Variants in KCNJ3 observed in about 807,000 individuals in gnomAD.
The protein encoded by KCNJ3 is potassium inwardly rectifying channel subfamily J member 3, also known as G protein-activated inward rectifier potassium channel 1.
KCNJ3 carries 4 observed loss-of-function variants against 39.2 expected under a neutral mutation model. That is an observed-to-expected ratio of 0.10 (90% CI 0.05 to 0.23). The LOEUF is 0.23. Among genes scored for constraint, KCNJ3 ranks in the 10% least tolerant of loss-of-function variants. The pLI, the probability that KCNJ3 is intolerant of heterozygous loss-of-function variation, is 1.00. For synonymous variants in KCNJ3, 230 were observed against 237.4 expected, an observed-to-expected ratio of 0.97 and a Z score of 0.29; for missense variants, 276 against 634.9, an observed-to-expected ratio of 0.43 and a Z score of 6.08.
At chr2:154,843,398 T>G in intron 2 of KCNJ3, among the ~76,000 whole-genome samples, 1 of 152,172 alleles carries the variant, frequency 6.6e-6, no homozygotes, top group Non-Finnish European at 1.5e-5. Context: ...CTTTGGTGAA[T>G]CTGACAATTA....
chr2:154,831,918 T>C (rs948918141), intron 2 of KCNJ3, among the ~76,000 whole-genome samples: 2 of 152,172 alleles, frequency 1.3e-5, no homozygotes, highest in Non-Finnish European at 2.9e-5. Flanking sequence ...AAGCATTTGC[T>C]TCTGGTGAGG....
Position 154,786,912 on chromosome 2 carries a change from T to C in KCNJ3, c.920-67815T>C, listed in dbSNP as rs918179588. ...TCCACTGGCACAGGGAAAGCAGATTTAGTGGCTATGTTTGCAACTATGAGC... is the reference window on the plus strand; with the variant it reads ...TCCACTGGCACAGGGAAAGCAGATTCAGTGGCTATGTTTGCAACTATGAGC... On this transcript the variant is annotated intron_variant, in intron 2 of 2. Coordinates refer to ENST00000295101, the MANE Select transcript of KCNJ3 (RefSeq NM_002239.4). 1.2e-4 allele frequency among the ~76,000 whole-genome samples: 18 copies of C among 152,310 alleles called. No individual in the cohort carries two copies. In the South Asian group the frequency reaches 3.1e-3, roughly 26 times the overall value.
At chr2:154,785,772 G>A (rs946359954) in intron 2 of KCNJ3, among the ~76,000 whole-genome samples, 1 of 152,128 alleles carries the variant, frequency 6.6e-6, no homozygotes, top group Admixed American at 6.5e-5. Flanking sequence ...ATGTGTCTCT[G>A]TGCATTCAAA....
chr2:154,822,317 AT>A (rs1367536462), intron 2 of KCNJ3, among the ~76,000 whole-genome samples: 3 of 152,126 alleles, frequency 2.0e-5, no homozygotes, highest in Non-Finnish European at 2.9e-5. Context: ...CATACTTTCT[AT>A]TTTTTAACTG....
intron 2 of KCNJ3, among the ~76,000 whole-genome samples, chr2:154,817,475 A>G (rs1687103685): frequency 6.6e-6 from 1 of 152,120 alleles, no homozygotes; most frequent in Admixed American, 6.6e-5. Flanking sequence ...CTGTTCACCT[A>G]TTAGATGTGT....
At chr2:154,762,853 T>G (rs1424267519) in intron 2 of KCNJ3, among the ~76,000 whole-genome samples, 1 of 152,132 alleles carries the variant, frequency 6.6e-6, no homozygotes, top group Non-Finnish European at 1.5e-5. Flanking sequence ...CTCAGGTGGT[T>G]AGAGGGCTGG....
intron 2 of KCNJ3, among the ~76,000 whole-genome samples, chr2:154,823,339 A>C (rs1308711149): frequency 6.6e-6 from 1 of 152,016 alleles, no homozygotes; most frequent in African/African-American, 2.4e-5. Context: ...AAAGAGAGAG[A>C]GAGAGAAAGA....
rs374670850 is a variant in KCNJ3, at chr2:154,837,200, C to T, written c.920-17527C>T. Among the ~76,000 whole-genome samples the T allele has an allele frequency of 1.4e-4, 22 of 152,028 alleles. No individual in the cohort carries two copies. In the East Asian group the frequency reaches 2.9e-3, roughly 20 times the overall value. ...CTATCTGTGTATAATTTCATAAAGG[C>T]GAAAGGAAAAACACATCTGGTTATG... is the stretch of plus-strand genomic sequence containing the variant. On this transcript the variant is annotated intron_variant, in intron 2 of 2. Transcript: ENST00000295101.
chr2:154,834,842 G>A (rs2591174), intron 2 of KCNJ3, among the ~76,000 whole-genome samples: 97,674 of 151,898 alleles, frequency 0.64, 33,959 homozygotes, highest in East Asian at 0.94. Flanking sequence ...TTTATGAGTT[G>A]TCTACATCAT....
intron 2 of KCNJ3, among the ~76,000 whole-genome samples, chr2:154,821,558 C>T (rs1687177777): frequency 6.6e-6 from 1 of 151,732 alleles, no homozygotes; most frequent in Non-Finnish European, 1.5e-5. Flanking sequence ...TAAAGAACAG[C>T]CTGCCTCAAA....
intron 2 of KCNJ3, among the ~76,000 whole-genome samples, chr2:154,834,904 A>C: frequency 6.6e-6 from 1 of 151,326 alleles, no homozygotes; most frequent in Non-Finnish European, 1.5e-5. Context: ...GTAAATTTTA[A>C]AAGTTTAAAA....
At chr2:154,736,398 A>C (rs988234170) in intron 2 of KCNJ3, among the ~76,000 whole-genome samples, 2 of 54,988 alleles carry the variant, frequency 3.6e-5, no homozygotes, top group Admixed American at 1.6e-4. Flanking sequence ...AAAAAAAAAA[A>C]AAAAAAAAAA....
intron 2 of KCNJ3, among the ~76,000 whole-genome samples, chr2:154,714,555 A>G (rs1685152411): frequency 6.6e-6 from 1 of 151,990 alleles, no homozygotes; most frequent in Non-Finnish European, 1.5e-5. Context: ...ATGGTCTTCT[A>G]TTTGTTATTT....
rs1308435224 is a variant in KCNJ3, at chr2:154,702,422, A to G, written c.702+2945A>G. ...TTTAATAATTATAAAGCACTTTTTG[A>G]TTCTTGGGGAGACAATAAGAACATG... On this transcript the variant is annotated intron_variant, in intron 1 of 2. Transcript: ENST00000295101. Among the ~76,000 whole-genome samples the G allele has an allele frequency of 3.3e-5, 5 of 151,906 alleles. No homozygotes were observed. In the South Asian group the frequency reaches 6.2e-4, roughly 19 times the overall value.
chr2:154,699,451 G>T lies in KCNJ3; in HGVS notation c.676G>T (p.Ala226Ser). 1 of 1,597,282 alleles carries T rather than the reference G, an allele frequency of 6.3e-7. No homozygotes were observed. The highest frequency in any genetic ancestry group is 8.5e-7 in the Non-Finnish European group (1 of 1,178,104). ...CCTGCGCAACAGCCACATGGTCTCC[G>T]CGCAGATTCGCTGCAAGCTGCTCAA... ...GNLRNSHMVS[A>S]QIRCKLLKSR... Residue 226 changes from alanine to serine, a missense_variant, in exon 1 of 3, where the codon GCG becomes TCG. By Grantham distance (99) the Ala-to-Ser change is moderately conservative. This residue lies in a region of KCNJ3 where 77 missense variants were observed against 200.0 expected (regional missense o/e 0.38). Coordinates refer to ENST00000295101, the MANE Select transcript of KCNJ3 (RefSeq NM_002239.4). This position sits in a 1 kb window ranked among gnomAD's most constrained non-coding sequence, Gnocchi z 6.4.
At chr2:154,822,308 A>G (rs918857343) in intron 2 of KCNJ3, among the ~76,000 whole-genome samples, 1 of 152,176 alleles carries the variant, frequency 6.6e-6, no homozygotes, top group African/African-American at 2.4e-5. Context: ...ACTAAAATTC[A>G]TACTTTCTAT....
rs773504384 is a variant in KCNJ3 at position 154,855,268 on chromosome 2, C to T, written c.1461C>T (p.Asn487=). 20 of 1,609,728 alleles carry T rather than the reference C, an allele frequency of 1.2e-5. No individual in the cohort carries two copies. Among genetic ancestry groups the T allele is most frequent in the South Asian group, 2.2e-5 (2 of 90,844 alleles). The part of the protein sequence containing the change: ...MAGGAARMEG[N]LPAKLRKMNS... Reference sequence around the variant, plus strand: ...GAGGAGCAGCTAGGATGGAAGGGAACCTTCCAGCCAAATTAAGAAAAATGA... The same window carrying T: ...GAGGAGCAGCTAGGATGGAAGGGAATCTTCCAGCCAAATTAAGAAAAATGA... The change falls in exon 3 of 3, where the codon AAC becomes AAT. Residue 487 remains asparagine, a synonymous_variant. Transcript: ENST00000295101.
intron 2 of KCNJ3, among the ~76,000 whole-genome samples, chr2:154,837,462 A>C (rs2105126117): frequency 6.6e-6 from 1 of 152,286 alleles, no homozygotes; most frequent in Non-Finnish European, 1.5e-5. Flanking sequence ...TTATTTCAAT[A>C]ATAATTATAT....
At position 154,841,029 on chromosome 2, in the gene KCNJ3, C is replaced by T. The variant is rs577589114; in HGVS notation, c.920-13698C>T. On this transcript the variant is annotated intron_variant, in intron 2 of 2. Coordinates refer to ENST00000295101, the MANE Select transcript of KCNJ3 (RefSeq NM_002239.4). ...CTGGTGCCAGTTTTCAAAGGGAATG[C>T]TTCCAGTTTTTGCCCATTTAGTATG... 4.7e-4 allele frequency among the ~76,000 whole-genome samples: 71 copies of T among 152,252 alleles called. 2 individuals carry two copies. The highest frequency in any genetic ancestry group is 1.7e-3 in the African/African-American group (70 of 41,560).
Sources: gnomAD v4.1 joint callset for allele counts (sites outside exome capture counted in the v4.1 genomes callset) on GRCh38, gnomAD v4.1.1 for gene constraint, gnomAD v4.1.1 regional missense constraint, Gnocchi (gnomAD v3.1) non-coding constraint, MANE v1.5 for transcripts, NCBI Gene and HGNC (gene_info 2026-07-23, HGNC 2026-07-21) for gene names.